Variants in WDR62 observed in about 807,000 individuals in gnomAD.
WDR62 encodes WD repeat-containing protein 62.
In WDR62, 112 loss-of-function variants were observed where a neutral mutation model predicts 160.6. The observed-to-expected ratio is 0.70, with a 90% CI of 0.60 to 0.82. The LOEUF is 0.82. Ranked by LOEUF, WDR62 falls within the 40% of genes least tolerant of loss-of-function variation. The pLI, the probability that WDR62 is intolerant of heterozygous loss-of-function variation, is 0.00. For missense variants in WDR62, 1,819 were observed against 1,983.8 expected (o/e 0.92, Z 1.58); for synonymous variants, 792 against 815.1 (o/e 0.97, Z 0.48).
At position 36,073,326 on chromosome 19, in the gene WDR62, C is replaced by T; in HGVS notation, c.1044-16C>T. On this transcript the variant is annotated splice_polypyrimidine_tract_variant and intron_variant, in intron 8 of 31. Coordinates refer to ENST00000401500, the MANE Select transcript of WDR62 (RefSeq NM_001083961.2). Reference sequence around the variant, plus strand: ...GTGACATTGATGGTGATTGATTACCCATGTGGCCTTGTTAGCTTCCTCTTC... The same window carrying T: ...GTGACATTGATGGTGATTGATTACCTATGTGGCCTTGTTAGCTTCCTCTTC... 1.2e-6 allele frequency: 2 copies of T among 1,613,790 alleles called. No homozygotes were observed.
intron 13 of WDR62, among the ~76,000 whole-genome samples, chr19:36,088,707 C>T (rs530967194): frequency 5.3e-5 from 8 of 152,212 alleles, no homozygotes; most frequent in Non-Finnish European, 8.8e-5. Flanking sequence ...CTCCACTGGT[C>T]GCTGCTGCAG....
intron 3 of WDR62, chr19:36,060,261 G>A: frequency 1.7e-6 from 1 of 583,288 alleles, no homozygotes; most frequent in Admixed American, 2.9e-5. Context: ...AAACTAGTCA[G>A]CAAATTACGG....
rs139926174 is a variant in WDR62 at position 36,083,273 on chromosome 19, C to T, written c.1550+32C>T. On this transcript the variant is annotated intron_variant, in intron 11 of 31. Transcript: ENST00000401500. ...GGGCCCTGGCAGTGTCCAGTGTACA[C>T]CTCCCAGCTCCAGCTCAGGTTCTCA... is the stretch of plus-strand genomic sequence containing the variant. The T allele has an allele frequency of 3.8e-6, 6 of 1,565,532 alleles. No individual in the cohort carries two copies. In the African/African-American group the frequency reaches 8.1e-5, roughly 21 times the overall value.
chr19:36,092,715 CG>C lies in WDR62; in HGVS notation c.2239del (p.Glu747ArgfsTer6). The C allele has an allele frequency of 6.2e-7, 1 of 1,614,166 alleles. No homozygotes were observed. Among genetic ancestry groups the C allele is most frequent in the South Asian group, 1.1e-5 (1 of 91,084 alleles). On this transcript the variant is annotated frameshift_variant, in exon 19 of 32. Transcript: ENST00000401500. LOFTEE classifies it high-confidence loss of function. ...TGCGTGTTCATCTGGCACCTGGGCC[CG>C]GAGATCACCAACTGCATGAAGCAGC... The part of the protein sequence containing the change: ...DSCVFIWHLG[P>X]EITNCMKQHL...
At chr19:36,056,451 G>T (rs1042877959) in intron 1 of WDR62, among the ~76,000 whole-genome samples, 1 of 152,138 alleles carries the variant, frequency 6.6e-6, no homozygotes, top group African/African-American at 2.4e-5. Flanking sequence ...TGGCCTTTGT[G>T]ATTGGTGAGT....
chr19:36,069,798 G>T (rs1002426771), intron 7 of WDR62, among the ~76,000 whole-genome samples: 9 of 152,244 alleles, frequency 5.9e-5, no homozygotes, highest in South Asian at 2.1e-4. Flanking sequence ...AGACCAGCCC[G>T]GCCAACACAG....
chr19:36,076,065 AT>A (rs1379451914), intron 9 of WDR62: 2 of 152,090 alleles, frequency 1.3e-5, no homozygotes, highest in Non-Finnish European at 2.9e-5. Context: ...ATCTATTGTA[AT>A]TATTAACTTT....
intron 16 of WDR62, 69 bp from the exon 17 acceptor site, chr19:36,091,131 A>C: frequency 7.3e-7 from 1 of 1,362,264 alleles, no homozygotes; most frequent in African/African-American, 1.4e-5. Flanking sequence ...CGGGGGAGGG[A>C]GGGGCCCAGG....
In WDR62 at chr19:36,105,020, G is replaced by A. The variant is rs142600079; in HGVS notation, c.4564G>A (p.Gly1522Arg). 140 of 1,597,910 alleles carry A rather than the reference G, an allele frequency of 8.8e-5. No individual in the cohort carries two copies. In the African/African-American group the frequency reaches 1.6e-3, roughly 19 times the overall value. Reference sequence around the variant, plus strand: ...GCAGGCCGTGCGGAGGAAGGCACGGGGGCACTGAGGGCGCAGCCCCTCCAC... The same window carrying A: ...GCAGGCCGTGCGGAGGAAGGCACGGAGGCACTGAGGGCGCAGCCCCTCCAC... ...LVQAVRRKAR[G>R]H Residue 1522 changes from glycine to arginine, a missense_variant, in exon 32 of 32, where the codon GGG becomes AGG. By Grantham distance (125) the Gly-to-Arg change is moderately radical. Around this residue, in one of 3 missense-constraint regions of WDR62, gnomAD observed 770 missense variants for 734.2 expected, o/e 1.05. Coordinates refer to ENST00000401500, the MANE Select transcript of WDR62 (RefSeq NM_001083961.2).
At position 36,104,642 on chromosome 19, in the gene WDR62, C is replaced by G. The variant is rs766668228; in HGVS notation, c.4278C>G (p.Thr1426=). 3.1e-6 allele frequency: 5 copies of G among 1,614,002 alleles called. No homozygotes were observed. The South Asian group carries it at 4.4e-5, about 14-fold the overall frequency. ...GGAACATCTTGCACAGGCTGCAGACCACCTTCCAAGAAGCCCTCGACCTTT... is the reference window on the plus strand; with the variant it reads ...GGAACATCTTGCACAGGCTGCAGACGACCTTCCAAGAAGCCCTCGACCTTT... ...RVGNILHRLQ[T]TFQEALDLYR... is the part of the protein sequence containing the mutation. The change falls in exon 31 of 32, where the codon ACC becomes ACG. Residue 1426 remains threonine, a synonymous_variant. Coordinates refer to ENST00000401500, the MANE Select transcript of WDR62 (RefSeq NM_001083961.2).
At chr19:36,085,158 C>T (rs957317283) in intron 12 of WDR62, among the ~76,000 whole-genome samples, 11 of 152,098 alleles carry the variant, frequency 7.2e-5, no homozygotes, top group Non-Finnish European at 1.5e-4. Context: ...TGCTGTCACC[C>T]AGGCTAGAGG....
At chr19:36,086,648 G>C in intron 12 of WDR62, 39 bp from the exon 13 acceptor site, 1 of 1,576,404 alleles carries the variant, frequency 6.3e-7, no homozygotes, top group East Asian at 2.3e-5. Flanking sequence ...GGGCACCCAC[G>C]CAGCCTTCAG....
intron 20 of WDR62, among the ~76,000 whole-genome samples, chr19:36,096,196 T>C (rs1972944568): frequency 6.6e-6 from 1 of 152,182 alleles, no homozygotes; most frequent in African/African-American, 2.4e-5. Context: ...GCTCAAGCAA[T>C]TTTCCCTCCT....
At chr19:36,079,973 C>T (rs377697736) in intron 9 of WDR62, among the ~76,000 whole-genome samples, 4 of 152,108 alleles carry the variant, frequency 2.6e-5, no homozygotes, top group African/African-American at 4.8e-5. Context: ...CTCAATCTTC[C>T]GTATTTTGAA....
chr19:36,093,060 C>T (rs1972731161), intron 19 of WDR62, among the ~76,000 whole-genome samples: 1 of 152,214 alleles, frequency 6.6e-6, no homozygotes, highest in African/African-American at 2.4e-5. Flanking sequence ...TTGTCTTGAA[C>T]TCCTGGGCCC....
intron 1 of WDR62, among the ~76,000 whole-genome samples, chr19:36,056,958 C>A (rs751087610): frequency 2.0e-5 from 3 of 151,940 alleles, no homozygotes; most frequent in Admixed American, 6.6e-5. Flanking sequence ...ACTGCAGGCG[C>A]ATGCCACCAT....
chr19:36,059,056 A>G (rs1029069661), intron 2 of WDR62, 185 bp downstream of exon 2: 4 of 712,900 alleles, frequency 5.6e-6, no homozygotes, highest in African/African-American at 5.2e-5. Context: ...AGTTCCTGGC[A>G]TGTAGTGAGT....
chr19:36,068,568 T>G (rs1375642393), intron 7 of WDR62, among the ~76,000 whole-genome samples: 5 of 152,052 alleles, frequency 3.3e-5, no homozygotes, highest in Non-Finnish European at 5.9e-5. Context: ...TCTTAACGAG[T>G]CTGCTGCCTT....
intron 5 of WDR62, 38 bp downstream of exon 5, chr19:36,066,465 C>T (rs1416552919): frequency 1.3e-6 from 2 of 1,563,024 alleles, no homozygotes; most frequent in East Asian, 2.4e-5. Flanking sequence ...AGGCAGCCAG[C>T]TGCCACAGCA....
Sources: allele counts gnomAD v4.1 joint callset (sites outside exome capture counted in the v4.1 genomes callset), GRCh38; gene constraint gnomAD v4.1.1; regional missense constraint gnomAD v4.1.1; transcripts MANE v1.5; gene names NCBI Gene and HGNC (gene_info 2026-07-23, HGNC 2026-07-21).